Variants in SOCS5 observed in about 807,000 individuals in gnomAD.
The protein encoded by SOCS5 is CIS-6.
In SOCS5, 32 loss-of-function variants were observed where a neutral mutation model predicts 42.8. That is an observed-to-expected ratio of 0.75 (90% CI 0.56 to 1.01). SOCS5 has a LOEUF of 1.01. SOCS5 is among the 50% of genes least tolerant of loss of function. SOCS5 has a pLI of 0.00. For synonymous variants in SOCS5, 283 were observed against 229.6 expected (o/e 1.23, Z -2.10); for missense variants, 627 against 653.0 (o/e 0.96, Z 0.43).
intron 1 of SOCS5, among the ~76,000 whole-genome samples, chr2:46,752,495 A>G (rs1470276294): frequency 6.6e-6 from 1 of 152,100 alleles, no homozygotes; most frequent in Non-Finnish European, 1.5e-5. Context: ...TTGCTTTTGT[A>G]TCTTTATTAT....
chr2:46,700,104 C>G (rs192775262), intron 1 of SOCS5, among the ~76,000 whole-genome samples: 4 of 152,142 alleles, frequency 2.6e-5, no homozygotes, highest in African/African-American at 7.2e-5. Flanking sequence ...TTTGGGCATC[C>G]GAGTAGCAGA....
chr2:46,718,122 C>T (rs1672791196), intron 1 of SOCS5, among the ~76,000 whole-genome samples: 1 of 151,900 alleles, frequency 6.6e-6, no homozygotes, highest in African/African-American at 2.4e-5. Flanking sequence ...TGTGTGTTTC[C>T]CCTGTATGGG....
At chr2:46,717,701 G>C (rs1672781234) in intron 1 of SOCS5, among the ~76,000 whole-genome samples, 1 of 152,002 alleles carries the variant, frequency 6.6e-6, no homozygotes, top group Non-Finnish European at 1.5e-5. Context: ...ATGCAATTTT[G>C]TAAATTTTAG....
chr2:46,708,725 TC>T (rs1009550989), intron 1 of SOCS5, among the ~76,000 whole-genome samples: 3 of 152,114 alleles, frequency 2.0e-5, no homozygotes, highest in African/African-American at 7.2e-5. Context: ...GGATCTTTCT[TC>T]CTGCCTTCGG....
At chr2:46,744,999 T>C (rs938223725) in intron 1 of SOCS5, among the ~76,000 whole-genome samples, 2 of 151,540 alleles carry the variant, frequency 1.3e-5, no homozygotes, top group African/African-American at 4.9e-5. Context: ...TGTAGAATTA[T>C]CCCATTTAAG....
In SOCS5 at chr2:46,759,981, T is replaced by C. The variant is rs1401047528; in HGVS notation, c.1451T>C (p.Leu484Pro). The C allele has an allele frequency of 6.2e-7, 1 of 1,614,204 alleles. No individual in the cohort carries two copies. The highest frequency in any genetic ancestry group is 1.7e-5 in the Admixed American group (1 of 60,026). The change falls in exon 2 of 2, where the codon CTG becomes CCG. Residue 484 changes from leucine to proline, a missense_variant. Transcript: ENST00000394861. ...ISLNRTFPFSLQYICRAVICR... is the reference protein window; with the variant it reads ...ISLNRTFPFSPQYICRAVICR... ...CTAAATAGGACTTTCCCTTTTAGCCTGCAGTATATCTGTCGCGCGGTAATC... is the reference window on the plus strand; with the variant it reads ...CTAAATAGGACTTTCCCTTTTAGCCCGCAGTATATCTGTCGCGCGGTAATC...
At chr2:46,733,568 C>CAAAAAAAAAAAA (rs1166835596) in intron 1 of SOCS5, among the ~76,000 whole-genome samples, 1 of 58,460 alleles carries the variant, frequency 1.7e-5, no homozygotes, top group Non-Finnish European at 3.4e-5. Flanking sequence ...GACCCTGTCT[C>CAAAAAAAAAAAA]AAAAAAAAAA....
chr2:46,752,236 G>A (rs1447235514), intron 1 of SOCS5, among the ~76,000 whole-genome samples: 1 of 151,462 alleles, frequency 6.6e-6, no homozygotes, highest in Non-Finnish European at 1.5e-5. Context: ...GGCAGCATTA[G>A]ATGCTCATAG....
In SOCS5 at chr2:46,717,763, A is replaced by C. The variant is rs1672782479; in HGVS notation, c.-13+18314A>C. Among the ~76,000 whole-genome samples, 3 of 152,196 alleles carry C rather than the reference A, an allele frequency of 2.0e-5. No individual in the cohort carries two copies. In the South Asian group the frequency reaches 6.2e-4, roughly 31 times the overall value. ...ATGCCTTTTCAGAGTCTGTGTTGAAAGCATGGGGTATTCAACAAGGTCTTT... is the reference window on the plus strand; with the variant it reads ...ATGCCTTTTCAGAGTCTGTGTTGAACGCATGGGGTATTCAACAAGGTCTTT... On this transcript the variant is annotated intron_variant, in intron 1 of 1. Coordinates refer to ENST00000394861, the MANE Select transcript of SOCS5 (RefSeq NM_144949.3).
At chr2:46,748,309 A>T (rs1051108597) in intron 1 of SOCS5, among the ~76,000 whole-genome samples, 1 of 150,758 alleles carries the variant, frequency 6.6e-6, no homozygotes, top group Non-Finnish European at 1.5e-5. Flanking sequence ...CCTCAGCCTC[A>T]TGAGTCGCTG....
chr2:46,754,391 A>G (rs1183208482), intron 1 of SOCS5, among the ~76,000 whole-genome samples: 1 of 152,120 alleles, frequency 6.6e-6, no homozygotes, highest in African/African-American at 2.4e-5. Context: ...GAAGTATTTC[A>G]CTTTTATTGA....
At chr2:46,737,288 T>G (rs1229770332) in intron 1 of SOCS5, among the ~76,000 whole-genome samples, 1 of 152,230 alleles carries the variant, frequency 6.6e-6, no homozygotes, top group Non-Finnish European at 1.5e-5. Flanking sequence ...TCTGTGAATT[T>G]CTATTCTTTT....
chr2:46,748,776 T>A (rs1673563348), intron 1 of SOCS5, among the ~76,000 whole-genome samples: 1 of 152,218 alleles, frequency 6.6e-6, no homozygotes, highest in Non-Finnish European at 1.5e-5. Context: ...ATATTTCTTG[T>A]GATACTTGAT....
At chr2:46,722,097 TTC>T (rs773802713) in intron 1 of SOCS5, among the ~76,000 whole-genome samples, 2 of 152,118 alleles carry the variant, frequency 1.3e-5, no homozygotes, top group Non-Finnish European at 2.9e-5. Flanking sequence ...TTGTCTTAAA[TTC>T]TCTTTTTTAC....
chr2:46,700,862 T>C (rs1039612855), intron 1 of SOCS5, among the ~76,000 whole-genome samples: 6 of 152,194 alleles, frequency 3.9e-5, no homozygotes, highest in Non-Finnish European at 8.8e-5. Context: ...ATTTTATATA[T>C]GTTAGTAATT....
intron 1 of SOCS5, among the ~76,000 whole-genome samples, chr2:46,757,739 C>T (rs1296454755): frequency 3.3e-5 from 5 of 152,084 alleles, no homozygotes; most frequent in South Asian, 4.1e-4. Context: ...TGGTGGTACA[C>T]GCCTGTAATC....
Position 46,760,175 on chromosome 2 carries a change from C to T in SOCS5, c.*34C>T, listed in dbSNP as rs745756282. 4 of 1,513,146 alleles carry T rather than the reference C, an allele frequency of 2.6e-6. No individual in the cohort carries two copies. Among genetic ancestry groups the T allele is most frequent in the East Asian group, 4.5e-5 (2 of 44,354 alleles). 93.7% of individuals were successfully genotyped at this position (1,513,146 alleles called of 1,614,324 possible). On this transcript the variant is annotated 3_prime_UTR_variant, in exon 2 of 2. Coordinates refer to ENST00000394861, the MANE Select transcript of SOCS5 (RefSeq NM_144949.3). ...GTCCCCAAAGGTTGTTAACTAGGTC[C>T]GCTTTCATGTGCATCAGACAGTACA...
At chr2:46,740,249 A>C (rs1222109404) in intron 1 of SOCS5, among the ~76,000 whole-genome samples, 1 of 152,244 alleles carries the variant, frequency 6.6e-6, no homozygotes, top group Admixed American at 6.5e-5. Context: ...TCCAAATTAA[A>C]GTCACCAGTG....
chr2:46,730,882 G>T (rs1422709008), intron 1 of SOCS5, among the ~76,000 whole-genome samples: 2 of 152,138 alleles, frequency 1.3e-5, no homozygotes, highest in Non-Finnish European at 2.9e-5. Flanking sequence ...TCTCTTTTGT[G>T]TTACATTTTG....
Sources: gnomAD v4.1 joint callset for allele counts (sites outside exome capture counted in the v4.1 genomes callset) on GRCh38, gnomAD v4.1.1 for gene constraint, MANE v1.5 for transcripts, NCBI Gene and HGNC (gene_info 2026-07-23, HGNC 2026-07-21) for gene names.